The following IGDCC4 variants were observed in gnomAD, a reference collection of about 807,000 sequenced individuals.
The protein encoded by IGDCC4 is likely ortholog of mouse neighbor of Punc E11.
IGDCC4 carries 72 observed loss-of-function variants against 116.6 expected under a neutral mutation model. The ratio of observed to expected loss-of-function variants is 0.62; its 90% CI spans 0.51 to 0.75. IGDCC4 has a LOEUF of 0.75. Ranked by LOEUF, IGDCC4 falls within the 30% of genes least tolerant of loss-of-function variation. The pLI is 0.00. For synonymous variants in IGDCC4, 709 were observed against 719.9 expected (o/e 0.98, Z 0.24); for missense variants, 1,501 against 1,662.4 (o/e 0.90, Z 1.69).
At position 65,388,990 on chromosome 15, in the gene IGDCC4, G is replaced by A; in HGVS notation, c.2537-12C>T. Reference sequence around the variant, plus strand: ...GGGTGTGGAGGGCCCTGGGGTGCGGGAGAGGAGATGGGGAGAGATGTCAGA... The same window carrying A: ...GGGTGTGGAGGGCCCTGGGGTGCGGAAGAGGAGATGGGGAGAGATGTCAGA... On this transcript the variant is annotated splice_polypyrimidine_tract_variant and intron_variant, in intron 14 of 19. Coordinates refer to ENST00000352385, the MANE Select transcript of IGDCC4 (RefSeq NM_020962.3). The A allele has an allele frequency of 6.4e-7, 1 of 1,555,954 alleles. No individual in the cohort carries two copies. Among genetic ancestry groups the A allele is most frequent in the Non-Finnish European group, 8.7e-7 (1 of 1,149,018 alleles).
intron 3 of IGDCC4, among the ~76,000 whole-genome samples, chr15:65,404,156 G>A (rs1178893238): frequency 6.6e-6 from 1 of 152,090 alleles, no homozygotes; most frequent in Non-Finnish European, 1.5e-5. Flanking sequence ...GAGGAAGAAT[G>A]TTCTAAACAG....
Position 65,393,418 on chromosome 15 carries a change from C to T in IGDCC4, c.1828G>A (p.Gly610Arg), listed in dbSNP as rs372057487. Residue 610 changes from glycine (G) to arginine (R), a missense_variant, in exon 10 of 20, where the codon GGG (glycine) becomes AGG (arginine). Coordinates refer to ENST00000352385, the MANE Select transcript of IGDCC4 (RefSeq NM_020962.3). The surrounding 1 kb of genome is among the most constrained non-coding windows in gnomAD (Gnocchi z 4.6). ...TGATGCATCCACTGGGAGGGGGCCCCGAAGCCGGCTGCTGTACCAGCCGAA... is the reference window on the plus strand; with the variant it reads ...TGATGCATCCACTGGGAGGGGGCCCTGAAGCCGGCTGCTGTACCAGCCGAA... ...RISAGTAAGF[G>R]APSQWMHHRT... 1.9e-5 allele frequency: 30 copies of T among 1,613,588 alleles called. No individual in the cohort carries two copies. The highest frequency in any genetic ancestry group is 1.3e-4 in the East Asian group (6 of 44,864).
At chr15:65,416,359 A>C (rs954016820) in intron 1 of IGDCC4, among the ~76,000 whole-genome samples, 27 of 152,010 alleles carry the variant, frequency 1.8e-4, no homozygotes, top group African/African-American at 6.0e-4. Context: ...GGATGGTCTC[A>C]ATCTCCTGAC....
At chr15:65,398,325 G>A (rs2062946212) in intron 5 of IGDCC4, among the ~76,000 whole-genome samples, 1 of 150,392 alleles carries the variant, frequency 6.6e-6, no homozygotes, top group Admixed American at 6.6e-5. Context: ...CTTGAGGTCA[G>A]GAGTTCGAAA....
rs547806851 is a variant in IGDCC4, at chr15:65,403,003, C to T, written c.564-516G>A. Among the ~76,000 whole-genome samples the T allele has an allele frequency of 3.9e-5, 6 of 152,334 alleles. No individual in the cohort carries two copies. The South Asian group carries it at 1.2e-3, about 32-fold the overall frequency. Reference sequence around the variant, plus strand: ...CCTCGATGGTGGCCCTGCCCATACACCATCTGTCCAGGGCAAGTTGGTGAT... The same window carrying T: ...CCTCGATGGTGGCCCTGCCCATACATCATCTGTCCAGGGCAAGTTGGTGAT... On this transcript the variant is annotated intron_variant, in intron 3 of 19. Coordinates refer to ENST00000352385, the MANE Select transcript of IGDCC4 (RefSeq NM_020962.3).
intron 2 of IGDCC4, chr15:65,410,742 G>A (rs2063083139): frequency 2.0e-6 from 1 of 498,870 alleles, no homozygotes; most frequent in Admixed American, 3.6e-5. Flanking sequence ...CACTCTGGCA[G>A]GCTCCCTGGA....
In IGDCC4 at chr15:65,384,531, A is replaced by C. The variant is rs2091434622; in HGVS notation, c.3343-112T>G. 1.9e-6 allele frequency: 2 copies of C among 1,073,374 alleles called. No homozygotes were observed. Among genetic ancestry groups the C allele is most frequent in the Non-Finnish European group, 1.3e-6 (1 of 763,492 alleles). 66.5% of individuals were successfully genotyped at this position (1,073,374 alleles called of 1,614,324 possible). On this transcript the variant is annotated intron_variant, in intron 19 of 19. Transcript: ENST00000352385. This position sits in a 1 kb window ranked among gnomAD's most constrained non-coding sequence, Gnocchi z 4.9. ...GACCCTCCATCAGAGTAAGTATCACATGGGAGTCGGTGAAGGATACACAGG... is the reference window on the plus strand; with the variant it reads ...GACCCTCCATCAGAGTAAGTATCACCTGGGAGTCGGTGAAGGATACACAGG...
rs529942647 is a variant in IGDCC4 at position 65,389,612 on chromosome 15, C to T, written c.2409-201G>A. 1.1e-4 allele frequency among the ~76,000 whole-genome samples: 17 copies of T among 152,316 alleles called. No homozygotes were observed. The South Asian group carries it at 1.7e-3, about 15-fold the overall frequency. On this transcript the variant is annotated intron_variant, in intron 13 of 19. Coordinates refer to ENST00000352385, the MANE Select transcript of IGDCC4 (RefSeq NM_020962.3). ...ATGTATGCTGCTCCAAGTCCAATCT[C>T]GAAACCAGACCCCTTCCTCCAGGAA...
At chr15:65,422,713 C>T (rs183113068) in intron 1 of IGDCC4, 80 bp downstream of exon 1, 10 of 1,141,062 alleles carry the variant, frequency 8.8e-6, no homozygotes, top group Non-Finnish European at 1.1e-5. Context: ...TTGAGCCAGC[C>T]CCGCAGCCCG....
chr15:65,398,615 C>T (rs949283616), intron 5 of IGDCC4, among the ~76,000 whole-genome samples: 2 of 148,016 alleles, frequency 1.4e-5, no homozygotes, highest in African/African-American at 5.0e-5. Context: ...GCGGTGGCTC[C>T]TGTCTGTAAT....
intron 17 of IGDCC4, 146 bp from the exon 18 acceptor site, chr15:65,386,205 T>G: frequency 1.6e-6 from 1 of 627,234 alleles, no homozygotes; most frequent in Non-Finnish European, 2.8e-6. Context: ...TAAGAAAAAC[T>G]GCTATTGTTC....
Position 65,386,573 on chromosome 15 carries a change from C to T in IGDCC4, c.2929G>A (p.Gly977Ser), listed in dbSNP as rs753947131. The T allele has an allele frequency of 6.2e-7, 1 of 1,608,910 alleles. No homozygotes were observed. The highest frequency in any genetic ancestry group is 1.1e-5 in the South Asian group (1 of 89,902). The part of the protein sequence containing the change: ...LLCLLACMCA[G>S]LRRSPHRESL... ...CACCTGTGGGGGCTGCGGCGCAGGC[C>T]AGCACACATGCAGGCCAGGAGGCAG... Residue 977 changes from glycine to serine, a missense_variant, in exon 17 of 20, where the codon GGC becomes AGC. This residue lies in a region of IGDCC4 where 368 missense variants were observed against 355.6 expected (regional missense o/e 1.03). Coordinates refer to ENST00000352385, the MANE Select transcript of IGDCC4 (RefSeq NM_020962.3).
In IGDCC4 at chr15:65,390,313, G is replaced by A. The variant is rs1337063547; in HGVS notation, c.2250C>T (p.Pro750=). The change falls in exon 13 of 20, where the codon CCC becomes CCT. Residue 750 remains proline, a synonymous_variant. Coordinates refer to ENST00000352385, the MANE Select transcript of IGDCC4 (RefSeq NM_020962.3). ...CCGCATGGACGTGGGCTGGAGGCAG[G>A]GGTGGTCCCCTCTGGATAGGCATGT... ...APDMPIQRGP[P]LPPAHVHAES... 3.1e-6 allele frequency: 5 copies of A among 1,606,812 alleles called. No homozygotes were observed. The South Asian group carries it at 4.4e-5, about 14-fold the overall frequency.
intron 1 of IGDCC4, among the ~76,000 whole-genome samples, chr15:65,416,137 T>G (rs955834323): frequency 2.9e-5 from 1 of 35,068 alleles, no homozygotes; most frequent in Non-Finnish European, 4.6e-5. Context: ...ATGTTTTGAC[T>G]TTTTTTTTTT....
intron 5 of IGDCC4, among the ~76,000 whole-genome samples, chr15:65,398,842 A>T (rs2062955322): frequency 6.6e-6 from 1 of 152,182 alleles, no homozygotes; most frequent in South Asian, 2.1e-4. Flanking sequence ...GTGAGCAGAG[A>T]TCGCGCCACT....
chr15:65,399,905 A>T (rs1013369652), intron 5 of IGDCC4, among the ~76,000 whole-genome samples: 13 of 152,208 alleles, frequency 8.5e-5, no homozygotes, highest in African/African-American at 3.1e-4. Flanking sequence ...AACTTGGGAC[A>T]AGTCACTTTT....
chr15:65,418,822 TG>T (rs200785402), intron 1 of IGDCC4, among the ~76,000 whole-genome samples: 18 of 150,408 alleles, frequency 1.2e-4, no homozygotes, highest in African/African-American at 2.7e-4. Flanking sequence ...TAGAAAGAGG[TG>T]GGGGGGGTTA....
chr15:65,396,971 G>T lies in IGDCC4; in HGVS notation c.860C>A (p.Thr287Lys), dbSNP rs750139071. The T allele has an allele frequency of 1.9e-6, 3 of 1,581,178 alleles. No individual in the cohort carries two copies. In the South Asian group the frequency reaches 3.5e-5, roughly 18 times the overall value. The stretch of plus-strand genomic sequence containing the variant: ...GGTGCGGCCCAGGACGATGACATCT[G>T]TGGAGATGGGCTTCCCGTCTGGGGA... ...WVRQDGKPIS[T>K]DVIVLGRTNL... is the part of the protein sequence containing the mutation. The change falls in exon 6 of 20, where the codon ACA becomes AAA. Residue 287 changes from threonine to lysine, a missense_variant. Around this residue, in one of 3 missense-constraint regions of IGDCC4, gnomAD observed 898 missense variants for 978.9 expected, o/e 0.92. Coordinates refer to ENST00000352385, the MANE Select transcript of IGDCC4 (RefSeq NM_020962.3).
chr15:65,415,433 T>TCC (rs2063133959), intron 1 of IGDCC4, among the ~76,000 whole-genome samples: 1 of 152,108 alleles, frequency 6.6e-6, no homozygotes, highest in African/African-American at 2.4e-5. Context: ...TCCTGAATAT[T>TCC]CATGGATCAG....
Sources: allele counts gnomAD v4.1 joint callset (sites outside exome capture counted in the v4.1 genomes callset), GRCh38; gene constraint gnomAD v4.1.1; regional missense constraint gnomAD v4.1.1; non-coding constraint Gnocchi (gnomAD v3.1); transcripts MANE v1.5; gene names NCBI Gene and HGNC (gene_info 2026-07-23, HGNC 2026-07-21).